The following TRRAP variants were observed in gnomAD, a reference collection of about 807,000 sequenced individuals.
TRRAP encodes transformation/transcription domain associated protein, also known as transformation/transcription domain-associated protein.
A neutral mutation model predicts 438.8 loss-of-function variants in TRRAP; 41 were observed. The observed-to-expected ratio is 0.09, with a 90% CI of 0.07 to 0.12. The LOEUF is 0.12. TRRAP is among the 10% of genes least tolerant of loss of function. The pLI is 1.00. For missense variants in TRRAP, 3,122 were observed against 5,055.1 expected (o/e 0.62, Z 11.60); for synonymous variants, 1,994 against 1,962.9 (o/e 1.02, Z -0.42).
rs149626121 is a variant in TRRAP, at chr7:98,959,426, G to A, written c.6425G>A (p.Arg2142Gln). 25 of 1,613,916 alleles carry A rather than the reference G, an allele frequency of 1.5e-5. No homozygotes were observed. The highest frequency in any genetic ancestry group is 4.5e-5 in the East Asian group (2 of 44,860). The change falls in exon 45 of 73, where the codon CGG (arginine) becomes CAG (glutamine). Residue 2142 changes from arginine (R) to glutamine (Q), a missense_variant. Around this residue, in one of 24 missense-constraint regions of TRRAP, gnomAD observed 992 missense variants for 1,281.2 expected, o/e 0.77. Coordinates refer to ENST00000456197, the MANE Select transcript of TRRAP (RefSeq NM_001375524.1). ...GTGAACCTTCTGAAGACTGCGTTGC[G>A]GCCAGACATGTGGCCCAAGTCCGAA... ...RCVNLLKTAL[R>Q]PDMWPKSELK... is the part of the protein sequence containing the mutation.
chr7:98,938,016 A>C lies in TRRAP; in HGVS notation c.4404+196A>C, dbSNP rs781835369. Among the ~76,000 whole-genome samples, 35 of 152,200 alleles carry C rather than the reference A, an allele frequency of 2.3e-4. 1 individual carries two copies. The highest frequency in any genetic ancestry group is 2.6e-4 in the Non-Finnish European group (18 of 68,040). ...ATGGTGAAACCCCTCTCTACTAAAAATACACAAATTAGCCTGGTGTGGCAG... is the reference window on the plus strand; with the variant it reads ...ATGGTGAAACCCCTCTCTACTAAAACTACACAAATTAGCCTGGTGTGGCAG... On this transcript the variant is annotated intron_variant, in intron 30 of 72. Coordinates refer to ENST00000456197, the MANE Select transcript of TRRAP (RefSeq NM_001375524.1).
chr7:98,952,230 A>G (rs1056875322), intron 39 of TRRAP, among the ~76,000 whole-genome samples: 2 of 152,238 alleles, frequency 1.3e-5, no homozygotes, highest in Non-Finnish European at 2.9e-5. Context: ...ATATTCCTCA[A>G]AGAAGGCACA....
rs1377894916 is a variant in TRRAP, at chr7:98,988,762, C to T, written c.9390-3C>T. 1.9e-6 allele frequency: 3 copies of T among 1,613,718 alleles called. No homozygotes were observed. The highest frequency in any genetic ancestry group is 1.7e-5 in the Admixed American group (1 of 60,000). On this transcript the variant is annotated splice_polypyrimidine_tract_variant and splice_region_variant and intron_variant, in intron 62 of 72. Transcript: ENST00000456197. Reference sequence around the variant, plus strand: ...CACGTTTTGGTTTTCTGTCTCCTCACAGGTCCGAGGAGGCAAACAAAGCCT... The same window carrying T: ...CACGTTTTGGTTTTCTGTCTCCTCATAGGTCCGAGGAGGCAAACAAAGCCT...
At chr7:99,001,029 T>A (rs1353296439) in intron 67 of TRRAP, among the ~76,000 whole-genome samples, 1 of 152,244 alleles carries the variant, frequency 6.6e-6, no homozygotes, top group Non-Finnish European at 1.5e-5. Context: ...AAGAATCTCC[T>A]AAAGACTCAT....
At chr7:98,952,237 C>T (rs782385234) in intron 39 of TRRAP, among the ~76,000 whole-genome samples, 2 of 152,180 alleles carry the variant, frequency 1.3e-5, no homozygotes, top group Non-Finnish European at 2.9e-5. Context: ...TCAAAGAAGG[C>T]ACATTTTTTT....
At chr7:98,909,706 G>A (rs1035008910) in intron 14 of TRRAP, among the ~76,000 whole-genome samples, 8 of 152,188 alleles carry the variant, frequency 5.3e-5, no homozygotes, top group Admixed American at 1.3e-4. Context: ...TGAAATCCAG[G>A]CCCTGCTTGT....
In TRRAP at chr7:98,976,852, T is replaced by A. The variant is rs1792682661; in HGVS notation, c.8247+82T>A. 1.2e-6 allele frequency: 2 copies of A among 1,600,462 alleles called. No individual in the cohort carries two copies. Among genetic ancestry groups the A allele is most frequent in the African/African-American group, 2.7e-5 (2 of 74,564 alleles). The stretch of plus-strand genomic sequence containing the variant: ...TAAATAAATACTCCTCCCAAATGAT[T>A]TCAAATGACAGCACAGTGAAACTAT... On this transcript the variant is annotated intron_variant, in intron 55 of 72. Transcript: ENST00000456197. This position sits in a 1 kb window ranked among gnomAD's most constrained non-coding sequence, Gnocchi z 4.6.
Position 99,012,463 on chromosome 7 carries a change from G to GT in TRRAP, c.*111dup, listed in dbSNP as rs1794473067. 10 of 1,298,840 alleles carry GT rather than the reference G, an allele frequency of 7.7e-6. No homozygotes were observed. Among genetic ancestry groups the GT allele is most frequent in the Non-Finnish European group, 1.0e-5 (10 of 965,950 alleles). The allele number at this position is 1,298,840 out of a possible 1,614,324, so 80.5% of individuals were successfully genotyped here. A position where few individuals can be genotyped will look rare whatever the true frequency, so the allele number is the denominator to read the frequency against. On this transcript the variant is annotated 3_prime_UTR_variant, in exon 73 of 73. Transcript: ENST00000456197. This position sits in a 1 kb window ranked among gnomAD's most constrained non-coding sequence, Gnocchi z 5.9. ...TCCTTATATTCACAGAAGCCCCATA[G>GT]TTTCACTGGGTTGCGGTTATTTTCC... is the stretch of plus-strand genomic sequence containing the variant.
chr7:98,903,339 C>T lies in TRRAP; in HGVS notation c.898-40C>T, dbSNP rs782230610. 6 of 1,611,094 alleles carry T rather than the reference C, an allele frequency of 3.7e-6. No individual in the cohort carries two copies. In the South Asian group the frequency reaches 6.6e-5, roughly 18 times the overall value. ...ACATTTGAATTTTTCTTAACACTCT[C>T]CTATCCCTGTAACTGTGTCATCTCA... On this transcript the variant is annotated intron_variant, in intron 11 of 72. Transcript: ENST00000456197.
intron 25 of TRRAP, 32 bp from the exon 26 acceptor site, chr7:98,931,373 T>C (rs782322307): frequency 1.9e-6 from 3 of 1,605,814 alleles, no homozygotes; most frequent in Middle Eastern, 1.7e-4. Flanking sequence ...GGCATCGCCC[T>C]GCTTTCATTC....
chr7:99,004,351 G>C lies in TRRAP; in HGVS notation c.10471G>C (p.Glu3491Gln). Residue 3491 changes from glutamate (E) to glutamine (Q), a missense_variant, in exon 68 of 73, where the codon GAA becomes CAA. Physicochemically the swap from Glu to Gln is conservative, Grantham distance 29 (BLOSUM62 2). Around this residue, in one of 24 missense-constraint regions of TRRAP, gnomAD observed 107 missense variants for 327.5 expected, o/e 0.33. Coordinates refer to ENST00000456197, the MANE Select transcript of TRRAP (RefSeq NM_001375524.1). ...FLSNFSAQTA[E>Q]VEIPGEFLMP... ...GAGCAATTTCTCGGCACAGACAGCT[G>C]AAGTGGAAATTCCTGGGGAGTTTCT... The C allele has an allele frequency of 6.2e-7, 1 of 1,614,184 alleles. No individual in the cohort carries two copies. Among genetic ancestry groups the C allele is most frequent in the Non-Finnish European group, 8.5e-7 (1 of 1,180,020 alleles).
At chr7:98,896,147 T>C (rs1796190492) in intron 7 of TRRAP, among the ~76,000 whole-genome samples, 2 of 152,240 alleles carry the variant, frequency 1.3e-5, no homozygotes, top group African/African-American at 4.8e-5. Context: ...GTTTTCACTT[T>C]GTGCATTTTA....
chr7:99,009,880 CTT>C (rs138174570), intron 70 of TRRAP, among the ~76,000 whole-genome samples: 14,835 of 95,804 alleles, frequency 0.15, 1,470 homozygotes, highest in African/African-American at 0.41. Context: ...TCATTCTTCT[CTT>C]TTTTTTTTTT....
Position 98,970,229 on chromosome 7 carries a change from G to A in TRRAP, c.7630G>A (p.Ala2544Thr), listed in dbSNP as rs1028234458. 5.8e-5 allele frequency: 94 copies of A among 1,613,472 alleles called. No individual in the cohort carries two copies. The highest frequency in any genetic ancestry group is 7.5e-5 in the Non-Finnish European group (89 of 1,180,016). The change falls in exon 52 of 73, where the codon GCC becomes ACC. Residue 2544 changes from alanine to threonine, a missense_variant. Around this residue, in one of 24 missense-constraint regions of TRRAP, gnomAD observed 992 missense variants for 1,281.2 expected, o/e 0.77. Transcript: ENST00000456197. ...LADSHDRAAFAMVTHVKQEPR... is the reference protein window; with the variant it reads ...LADSHDRAAFTMVTHVKQEPR... ...CGATAGCCACGACCGTGCCGCCTTC[G>A]CCATGGTCACACATGTCAAGCAGGA...
chr7:98,907,844 A>G (rs2116393229), intron 13 of TRRAP, among the ~76,000 whole-genome samples: 1 of 151,196 alleles, frequency 6.6e-6, no homozygotes, highest in South Asian at 2.1e-4. Flanking sequence ...CCCCTCCCTG[A>G]CCTGCTTCAG....
chr7:98,913,256 C>G (rs940758824), intron 18 of TRRAP, among the ~76,000 whole-genome samples: 3 of 152,048 alleles, frequency 2.0e-5, no homozygotes, highest in African/African-American at 7.2e-5. Flanking sequence ...ACAGTTACAT[C>G]AACAGTTGTC....
chr7:98,956,923 A>G lies in TRRAP; in HGVS notation c.6231+390A>G, dbSNP rs1168726891. ...GGGTCCTGGGTATTGCCCCTTGTGG[A>G]GTGGTGGCCCTAGGAGCCCTGAGTC... On this transcript the variant is annotated intron_variant, in intron 43 of 72. Coordinates refer to ENST00000456197, the MANE Select transcript of TRRAP (RefSeq NM_001375524.1). This position sits in a 1 kb window ranked among gnomAD's most constrained non-coding sequence, Gnocchi z 4.5. Among the ~76,000 whole-genome samples, 1 of 150,850 alleles carries G rather than the reference A, an allele frequency of 6.6e-6. No individual in the cohort carries two copies. The highest frequency in any genetic ancestry group is 1.5e-5 in the Non-Finnish European group (1 of 67,780).
At chr7:98,882,294 T>A (rs899872562) in intron 3 of TRRAP, among the ~76,000 whole-genome samples, 1 of 152,138 alleles carries the variant, frequency 6.6e-6, no homozygotes, top group African/African-American at 2.4e-5. Context: ...ATGGTAGCTC[T>A]TTTAGGCTAC....
At chr7:98,945,243 C>A (rs534233431) in intron 31 of TRRAP, among the ~76,000 whole-genome samples, 1 of 152,290 alleles carries the variant, frequency 6.6e-6, no homozygotes, top group African/African-American at 2.4e-5. Flanking sequence ...CATGCGTGCA[C>A]ACACACACCC....
Sources: gnomAD v4.1 joint callset for allele counts (sites outside exome capture counted in the v4.1 genomes callset) on GRCh38, gnomAD v4.1.1 for gene constraint, gnomAD v4.1.1 regional missense constraint, Gnocchi (gnomAD v3.1) non-coding constraint, MANE v1.5 for transcripts, NCBI Gene and HGNC (gene_info 2026-07-23, HGNC 2026-07-21) for gene names.